The following ZNF609 variants were observed in gnomAD, a reference collection of about 807,000 sequenced individuals.
ZNF609 encodes zinc finger protein 609.
ZNF609 carries 11 observed loss-of-function variants against 109.5 expected under a neutral mutation model. The ratio of observed to expected loss-of-function variants is 0.10; its 90% CI spans 0.06 to 0.17. ZNF609 has a LOEUF of 0.17. ZNF609 is among the 10% of genes least tolerant of loss of function. The pLI, the probability that ZNF609 is intolerant of heterozygous loss-of-function variation, is 1.00. For missense variants in ZNF609, 1,559 were observed against 1,772.4 expected, an observed-to-expected ratio of 0.88 and a Z score of 2.16; for synonymous variants, 646 against 662.0, an observed-to-expected ratio of 0.98 and a Z score of 0.37.
chr15:64,575,141 C>G (rs2140417554), intron 2 of ZNF609, among the ~76,000 whole-genome samples: 1 of 152,276 alleles, frequency 6.6e-6, no homozygotes, highest in Middle Eastern at 3.4e-3. Context: ...GTGAAAGAGT[C>G]AAAACCAAAT....
At chr15:64,585,752 CT>C (rs1312584304) in intron 2 of ZNF609, among the ~76,000 whole-genome samples, 2 of 152,174 alleles carry the variant, frequency 1.3e-5, no homozygotes, top group Non-Finnish European at 2.9e-5. Context: ...CTTCAGCATT[CT>C]GCGTAATAAA....
At chr15:64,505,987 A>G (rs1893632668) in intron 2 of ZNF609, among the ~76,000 whole-genome samples, 1 of 152,084 alleles carries the variant, frequency 6.6e-6, no homozygotes, top group Admixed American at 6.5e-5. Context: ...AAAAATAATA[A>G]TAATAAATTT....
At chr15:64,550,143 T>C (rs1894441679) in intron 2 of ZNF609, among the ~76,000 whole-genome samples, 2 of 151,942 alleles carry the variant, frequency 1.3e-5, no homozygotes, top group African/African-American at 4.8e-5. Flanking sequence ...TTTGTAGAAA[T>C]GGGGTCTCAC....
At chr15:64,595,731 G>T (rs1029696155) in intron 2 of ZNF609, among the ~76,000 whole-genome samples, 7 of 152,090 alleles carry the variant, frequency 4.6e-5, no homozygotes, top group African/African-American at 1.7e-4. Flanking sequence ...ACTAAAACCT[G>T]GCCCCTTCCC....
At chr15:64,568,990 C>T (rs528466402) in intron 2 of ZNF609, among the ~76,000 whole-genome samples, 2 of 152,334 alleles carry the variant, frequency 1.3e-5, no homozygotes, top group Admixed American at 6.5e-5. Context: ...TGTACTCTAG[C>T]CACACTGGCC....
chr15:64,614,270 GC>G (rs1291472597), intron 2 of ZNF609, among the ~76,000 whole-genome samples: 1 of 142,368 alleles, frequency 7.0e-6, no homozygotes, highest in Non-Finnish European at 1.5e-5. Context: ...TTGCTCTGTC[GC>G]CCAGGCTGGA....
chr15:64,529,061 C>A, intron 2 of ZNF609: 1 of 1,175,864 alleles, frequency 8.5e-7, no homozygotes. Flanking sequence ...GGGATGATGT[C>A]CTGGAGAGCC....
chr15:64,511,848 G>T (rs1000525227), intron 2 of ZNF609, among the ~76,000 whole-genome samples: 1 of 151,450 alleles, frequency 6.6e-6, no homozygotes, highest in Admixed American at 6.6e-5. Flanking sequence ...TCGAGTAGCT[G>T]GGATTACAGG....
At position 64,680,424 on chromosome 15, in the gene ZNF609, G is replaced by A. The variant is rs1473373607; in HGVS notation, c.3945+64G>A. 5 of 1,580,418 alleles carry A rather than the reference G, an allele frequency of 3.2e-6. No homozygotes were observed. The East Asian group carries it at 1.1e-4, about 36-fold the overall frequency. On this transcript the variant is annotated intron_variant, in intron 7 of 9. Coordinates refer to ENST00000326648, the MANE Select transcript of ZNF609 (RefSeq NM_015042.2). ...CTAGTAAGGCCAGATCCAGGGTCTG[G>A]GAGAAGGTGGGCAAGTTCAGGTCCT... is the stretch of plus-strand genomic sequence containing the variant.
intron 2 of ZNF609, among the ~76,000 whole-genome samples, chr15:64,612,431 G>T (rs1895732541): frequency 6.6e-6 from 1 of 152,052 alleles, no homozygotes; most frequent in African/African-American, 2.4e-5. Context: ...TTACAGGCGT[G>T]AGCCACTGTG....
rs2083234050 is a variant in ZNF609 at position 64,685,204 on chromosome 15, T to C, written c.*3518T>C. On this transcript the variant is annotated 3_prime_UTR_variant, in exon 10 of 10. Transcript: ENST00000326648. ...AAATATATATATATACAAACTGTACTCTTTTTGCCTTTGTACATTCAGGCA... is the reference window on the plus strand; with the variant it reads ...AAATATATATATATACAAACTGTACCCTTTTTGCCTTTGTACATTCAGGCA... 6.6e-6 allele frequency: 1 copy of C among 151,840 alleles called. No homozygotes were observed. Among genetic ancestry groups the C allele is most frequent in the Admixed American group, 6.6e-5 (1 of 15,190 alleles). 9.4% of individuals were successfully genotyped at this position (151,840 alleles called of 1,614,324 possible).
At chr15:64,649,015 G>C (rs1896375850) in intron 3 of ZNF609, among the ~76,000 whole-genome samples, 1 of 152,082 alleles carries the variant, frequency 6.6e-6, no homozygotes, top group Non-Finnish European at 1.5e-5. Flanking sequence ...TTGTCTGGGA[G>C]CAAGACATAC....
rs28521541 is a variant in ZNF609, at chr15:64,662,812, C to T, written c.974-7534C>T. Among the ~76,000 whole-genome samples the T allele has an allele frequency of 8.9e-3, 1,353 of 152,062 alleles. 24 individuals carry two copies. The highest frequency in any genetic ancestry group is 0.031 in the African/African-American group (1,283 of 41,456). On this transcript the variant is annotated intron_variant, in intron 3 of 9. Coordinates refer to ENST00000326648, the MANE Select transcript of ZNF609 (RefSeq NM_015042.2). ...TCCTCAGGAGCTGGGATTACAGGCA[C>T]GCGCCACTACTGCCCGGCTAATTTT...
intron 2 of ZNF609, among the ~76,000 whole-genome samples, chr15:64,515,163 T>C (rs11854725): frequency 3.9e-5 from 6 of 152,182 alleles, no homozygotes; most frequent in Non-Finnish European, 1.5e-5. Flanking sequence ...GGTACAGCAT[T>C]GTATGTATCT....
chr15:64,677,729 A>G (rs561739749), intron 5 of ZNF609, among the ~76,000 whole-genome samples: 9 of 152,170 alleles, frequency 5.9e-5, no homozygotes, highest in African/African-American at 1.9e-4. Context: ...TCTGAGTGTC[A>G]CTTATAAGCT....
At chr15:64,554,171 ATTCCG>A (rs753266875) in intron 2 of ZNF609, among the ~76,000 whole-genome samples, 7 of 152,172 alleles carry the variant, frequency 4.6e-5, no homozygotes, top group Admixed American at 1.3e-4. Flanking sequence ...AGGGGAAAGC[ATTCCG>A]TTTTTACCAT....
intron 2 of ZNF609, chr15:64,501,673 C>G (rs1893564757): frequency 6.6e-6 from 1 of 152,152 alleles, no homozygotes; most frequent in Admixed American, 6.5e-5. Flanking sequence ...CTACATCTGG[C>G]TTCAAGAAAC....
intron 1 of ZNF609, among the ~76,000 whole-genome samples, chr15:64,465,394 T>C (rs1207125971): frequency 2.6e-5 from 4 of 152,208 alleles, no homozygotes; most frequent in Non-Finnish European, 5.9e-5. Context: ...TTGTTTTTCT[T>C]TTTTGAGACG....
At position 64,499,727 on chromosome 15, in the gene ZNF609, C is replaced by T; in HGVS notation, c.308C>T (p.Thr103Ile). ...AGTGGCAAAGACACTAGCAAACCCA[C>T]TCCAGGGACTTCCCTGTTCACTCCA... ...SKSGKDTSKP[T>I]PGTSLFTPSE... Residue 103 changes from threonine (T) to isoleucine (I), a missense_variant, in exon 2 of 10, where the codon ACT becomes ATT. Thr to Ile is a moderately conservative substitution (Grantham distance 89). This residue lies in a region of ZNF609 where 291 missense variants were observed against 317.8 expected (regional missense o/e 0.92). Coordinates refer to ENST00000326648, the MANE Select transcript of ZNF609 (RefSeq NM_015042.2). 5.6e-6 allele frequency: 9 copies of T among 1,614,110 alleles called. No homozygotes were observed. Among genetic ancestry groups the T allele is most frequent in the Non-Finnish European group, 7.6e-6 (9 of 1,180,030 alleles).
Sources: allele counts gnomAD v4.1 joint callset (sites outside exome capture counted in the v4.1 genomes callset), GRCh38; gene constraint gnomAD v4.1.1; regional missense constraint gnomAD v4.1.1; transcripts MANE v1.5; gene names NCBI Gene and HGNC (gene_info 2026-07-23, HGNC 2026-07-21).